The following FRMD6 variants were observed in gnomAD, a reference collection of about 807,000 sequenced individuals.
FRMD6 encodes FERM domain containing 6.
In FRMD6, 37 loss-of-function variants were observed where a neutral mutation model predicts 73.2. That is an observed-to-expected ratio of 0.51 (90% confidence interval 0.39 to 0.66). The LOEUF (loss-of-function observed/expected upper bound fraction) is 0.66. FRMD6 is among the 30% of genes least tolerant of loss of function. The pLI is 0.00. For missense variants in FRMD6, 714 were observed against 780.5 expected, an observed-to-expected ratio of 0.91 and a Z score of 1.02; for synonymous variants, 273 against 282.2, an observed-to-expected ratio of 0.97 and a Z score of 0.33.
At chr14:51,554,799 A>G (rs1353836654) in intron 1 of FRMD6, 2 of 152,216 alleles carry the variant, frequency 1.3e-5, no homozygotes, top group African/African-American at 4.8e-5. Flanking sequence ...CAGAAAGAGG[A>G]CCTTAGGTGA....
intron 1 of FRMD6, among the ~76,000 whole-genome samples, chr14:51,549,414 G>A (rs1382808978): frequency 3.3e-5 from 5 of 152,060 alleles, no homozygotes; most frequent in African/African-American, 1.2e-4. Context: ...TTGGACAGTT[G>A]TAGGCCTCCA....
At chr14:51,568,047 C>T (rs1156600935) in intron 1 of FRMD6, among the ~76,000 whole-genome samples, 1 of 152,206 alleles carries the variant, frequency 6.6e-6, no homozygotes, top group African/African-American at 2.4e-5. Context: ...GGCATCTTGC[C>T]TTGACGAGCT....
intron 2 of FRMD6, among the ~76,000 whole-genome samples, chr14:51,604,102 T>C (rs1030785618): frequency 3.7e-4 from 57 of 152,292 alleles, no homozygotes; most frequent in African/African-American, 1.3e-3. Flanking sequence ...TGTCATTTGG[T>C]CAGGAAGCTT....
chr14:51,714,008 G>C (rs28449347), intron 9 of FRMD6: 43,157 of 151,906 alleles, frequency 0.28, 6,576 homozygotes, highest in African/African-American at 0.38. Context: ...TGGGCCTCAT[G>C]CTCCTCCTCC....
At chr14:51,453,073 A>G in the FRMD6 span, among the ~76,000 whole-genome samples, 1 of 152,088 alleles carries the variant, frequency 6.6e-6, no homozygotes. Context: ...GAACCTGATG[A>G]CCATGTAAAG....
chr14:51,428,945 A>C, the FRMD6 span, among the ~76,000 whole-genome samples: 1 of 130,382 alleles, frequency 7.7e-6, no homozygotes, highest in Non-Finnish European at 1.6e-5. Flanking sequence ...AGAGAAGGGG[A>C]GAGACAGAGG....
At chr14:51,469,618 G>GAAAA in the FRMD6 span, among the ~76,000 whole-genome samples, 1 of 96,760 alleles carries the variant, frequency 1.0e-5, no homozygotes, top group Non-Finnish European at 2.1e-5. Context: ...ATTTCAAAAA[G>GAAAA]AAAAAAAAAA....
chr14:51,477,737 C>CTT, the FRMD6 span, among the ~76,000 whole-genome samples: 225 of 134,172 alleles, frequency 1.7e-3, 3 homozygotes, highest in African/African-American at 5.5e-3. Flanking sequence ...TTTTCTTTTT[C>CTT]TTTTTTTTTT....
chr14:51,654,870 C>T (rs1892709955), intron 1 of FRMD6, among the ~76,000 whole-genome samples: 2 of 151,884 alleles, frequency 1.3e-5, no homozygotes, highest in African/African-American at 4.8e-5. Context: ...TGCATTTGTA[C>T]ATTTTTGCAT....
At chr14:51,576,741 G>A (rs545371264) in intron 2 of FRMD6, among the ~76,000 whole-genome samples, 2 of 152,188 alleles carry the variant, frequency 1.3e-5, no homozygotes, top group African/African-American at 2.4e-5. Context: ...TCAGACATAC[G>A]CACGCTGGAG....
chr14:51,419,127 A>T, the FRMD6 span, among the ~76,000 whole-genome samples: 2 of 152,092 alleles, frequency 1.3e-5, no homozygotes, highest in African/African-American at 4.8e-5. Context: ...CCAACTCCTT[A>T]CGCTTCCTGT....
intron 1 of FRMD6, among the ~76,000 whole-genome samples, chr14:51,654,193 C>T (rs1338942483): frequency 1.3e-5 from 2 of 151,350 alleles, no homozygotes; most frequent in African/African-American, 4.9e-5. Context: ...CTGAAAACAG[C>T]ATGGGCCTGG....
chr14:51,461,170 G>A, the FRMD6 span, among the ~76,000 whole-genome samples: 1 of 152,174 alleles, frequency 6.6e-6, no homozygotes, highest in East Asian at 1.9e-4. Flanking sequence ...TACAACAAAT[G>A]AGACATGTGC....
At chr14:51,449,225 G>A in the FRMD6 span, among the ~76,000 whole-genome samples, 4 of 152,212 alleles carry the variant, frequency 2.6e-5, no homozygotes, top group African/African-American at 9.6e-5. Flanking sequence ...TTTGGCAAGA[G>A]GGAAAGGGAT....
At chr14:51,460,773 G>A in the FRMD6 span, among the ~76,000 whole-genome samples, 6 of 152,196 alleles carry the variant, frequency 3.9e-5, no homozygotes, top group African/African-American at 1.4e-4. Context: ...AGTAGATCCT[G>A]AAGATGTTGA....
intron 2 of FRMD6, among the ~76,000 whole-genome samples, chr14:51,589,936 C>T (rs924158262): frequency 5.9e-5 from 9 of 152,034 alleles, no homozygotes; most frequent in African/African-American, 1.7e-4. Flanking sequence ...GGCGTGGTGG[C>T]AGGCACCTGT....
intron 1 of FRMD6, among the ~76,000 whole-genome samples, chr14:51,665,025 G>T (rs9805984): frequency 0.13 from 19,105 of 152,180 alleles, 1,314 homozygotes; most frequent in Non-Finnish European, 0.15. Context: ...ATAAAGTCCA[G>T]ATCTCTTAGG....
upstream of FRMD6, among the ~76,000 whole-genome samples, chr14:51,485,242 C>T (rs1019954896): frequency 1.3e-5 from 2 of 152,192 alleles, no homozygotes; most frequent in African/African-American, 4.8e-5. Flanking sequence ...CACAGCTCAC[C>T]TACACAAGTC....
At chr14:51,461,208 C>T in the FRMD6 span, among the ~76,000 whole-genome samples, 3 of 152,206 alleles carry the variant, frequency 2.0e-5, no homozygotes, top group Non-Finnish European at 4.4e-5. Flanking sequence ...TGAGAAATTT[C>T]TCAGTCCAGG....
Sources: allele counts gnomAD v4.1 joint callset (sites outside exome capture counted in the v4.1 genomes callset), GRCh38; gene constraint gnomAD v4.1.1; transcripts MANE v1.5; gene names NCBI Gene and HGNC (gene_info 2026-07-23, HGNC 2026-07-21).